The following COL23A1 variants were observed in gnomAD, a reference collection of about 807,000 sequenced individuals.
The protein encoded by COL23A1 is collagen type XXIII alpha 1 chain.
COL23A1 carries 97 observed loss-of-function variants against 99.3 expected under a neutral mutation model. The observed-to-expected ratio is 0.98, with a 90% CI of 0.83 to 1.16. The LOEUF is 1.16. COL23A1 is among the 50% of genes most tolerant of loss of function. The pLI, the probability that COL23A1 is intolerant of heterozygous loss-of-function variation, is 0.00. For missense variants in COL23A1, 762 were observed against 757.4 expected, an observed-to-expected ratio of 1.01 and a Z score of -0.07; for synonymous variants, 320 against 308.2, an observed-to-expected ratio of 1.04 and a Z score of -0.40.
chr5:178,312,505 G>A (rs2127614015), intron 2 of COL23A1, among the ~76,000 whole-genome samples: 1 of 152,264 alleles, frequency 6.6e-6, no homozygotes, highest in Middle Eastern at 3.4e-3. Context: ...CCAAAGGGGG[G>A]CCTCGAACCC....
At chr5:178,479,017 A>C (rs1165035986) in intron 2 of COL23A1, among the ~76,000 whole-genome samples, 6 of 152,004 alleles carry the variant, frequency 3.9e-5, no homozygotes, top group African/African-American at 9.7e-5. Flanking sequence ...TTCCTGGGCC[A>C]TGTGAGGCCC....
At chr5:178,554,375 C>T (rs894043919) in intron 2 of COL23A1, among the ~76,000 whole-genome samples, 17 of 152,140 alleles carry the variant, frequency 1.1e-4, no homozygotes, top group Admixed American at 5.2e-4. Context: ...GACGGGGTTT[C>T]GCCATGTTGG....
chr5:178,460,982 T>A (rs1178456277), intron 2 of COL23A1, among the ~76,000 whole-genome samples: 1 of 152,074 alleles, frequency 6.6e-6, no homozygotes, highest in Non-Finnish European at 1.5e-5. Context: ...ATAAATAGCA[T>A]AAACTCCCAT....
chr5:178,334,087 G>A (rs573725937), intron 2 of COL23A1, among the ~76,000 whole-genome samples: 1 of 152,210 alleles, frequency 6.6e-6, no homozygotes, highest in Admixed American at 6.5e-5. Flanking sequence ...GGGATGTCCG[G>A]GTCCTCAAGG....
chr5:178,297,961 A>C (rs1285475922), intron 3 of COL23A1, among the ~76,000 whole-genome samples: 3 of 152,208 alleles, frequency 2.0e-5, no homozygotes, highest in African/African-American at 7.2e-5. Context: ...TGGATGTGAC[A>C]GAGGGGTTGG....
At chr5:178,507,684 G>A (rs889511799) in intron 2 of COL23A1, among the ~76,000 whole-genome samples, 3 of 152,194 alleles carry the variant, frequency 2.0e-5, no homozygotes, top group Non-Finnish European at 4.4e-5. Context: ...CCTGAGGAGC[G>A]ATCTGCTGTC....
chr5:178,577,387 G>A (rs140338215), intron 1 of COL23A1, among the ~76,000 whole-genome samples: 1,601 of 152,360 alleles, frequency 0.011, 9 homozygotes, highest in Non-Finnish European at 0.017. Flanking sequence ...ATCCCCAAGG[G>A]CGGCCGCATC....
At chr5:178,445,251 T>C (rs1329346744) in intron 2 of COL23A1, among the ~76,000 whole-genome samples, 2 of 152,244 alleles carry the variant, frequency 1.3e-5, no homozygotes, top group Non-Finnish European at 2.9e-5. Flanking sequence ...GTCACTATAA[T>C]GATACATTGT....
At chr5:178,328,699 C>G (rs1011975195) in intron 2 of COL23A1, among the ~76,000 whole-genome samples, 9 of 152,000 alleles carry the variant, frequency 5.9e-5, no homozygotes, top group Non-Finnish European at 1.3e-4. Flanking sequence ...ACTAATTACT[C>G]GAAAAAAAAG....
intron 2 of COL23A1, among the ~76,000 whole-genome samples, chr5:178,316,192 TTAGA>T (rs1758973237): frequency 6.6e-6 from 1 of 152,212 alleles, no homozygotes. Context: ...TCGATGATTC[TTAGA>T]TATTTACTTC....
chr5:178,455,343 CA>C (rs1320329923), intron 2 of COL23A1, among the ~76,000 whole-genome samples: 5 of 152,146 alleles, frequency 3.3e-5, no homozygotes, highest in Admixed American at 6.5e-5. Flanking sequence ...GGGGCCAGGC[CA>C]CAGGCACCAG....
At chr5:178,578,317 C>T (rs1264517766) in intron 1 of COL23A1, among the ~76,000 whole-genome samples, 2 of 152,208 alleles carry the variant, frequency 1.3e-5, no homozygotes, top group African/African-American at 2.4e-5. Context: ...CACTTCCACC[C>T]TCACACTAGC....
intron 1 of COL23A1, among the ~76,000 whole-genome samples, chr5:178,585,822 C>T (rs993657098): frequency 7.2e-6 from 1 of 138,782 alleles, no homozygotes; most frequent in African/African-American, 2.8e-5. Flanking sequence ...AGCGGCAACA[C>T]GCCCAGCCTC....
chr5:178,399,503 G>A (rs555484888), intron 2 of COL23A1, among the ~76,000 whole-genome samples: 1 of 152,334 alleles, frequency 6.6e-6, no homozygotes, highest in East Asian at 1.9e-4. Flanking sequence ...TTGTTGAGCC[G>A]ATTGCTGGGA....
chr5:178,243,138 C>G (rs968302255), intron 25 of COL23A1, among the ~76,000 whole-genome samples: 1 of 151,168 alleles, frequency 6.6e-6, no homozygotes, highest in African/African-American at 2.4e-5. Flanking sequence ...TGCAGTGAGC[C>G]GAGATCGCAC....
chr5:178,420,520 TC>T (rs1287883982), intron 2 of COL23A1, among the ~76,000 whole-genome samples: 2 of 43,388 alleles, frequency 4.6e-5, no homozygotes, highest in East Asian at 7.5e-4. Context: ...CCTCCTCTCC[TC>T]CCCCTCCTCA....
chr5:178,446,092 C>CAT (rs145228917), intron 2 of COL23A1, among the ~76,000 whole-genome samples: 3,105 of 149,520 alleles, frequency 0.021, 94 homozygotes, highest in African/African-American at 0.071. Context: ...AAAAAATTTC[C>CAT]ATATATATAT....
At chr5:178,318,582 G>T (rs886420757) in intron 2 of COL23A1, among the ~76,000 whole-genome samples, 1 of 152,238 alleles carries the variant, frequency 6.6e-6, no homozygotes, top group Non-Finnish European at 1.5e-5. Flanking sequence ...ACCTGGACAG[G>T]AAGGGGAGGG....
chr5:178,431,069 G>A (rs1420590423), intron 2 of COL23A1, among the ~76,000 whole-genome samples: 1 of 152,164 alleles, frequency 6.6e-6, no homozygotes, highest in African/African-American at 2.4e-5. Context: ...GCCCCAGGCA[G>A]TAAGTGCGGT....
Sources: allele counts gnomAD v4.1 joint callset (sites outside exome capture counted in the v4.1 genomes callset), GRCh38; gene constraint gnomAD v4.1.1; transcripts MANE v1.5; gene names NCBI Gene and HGNC (gene_info 2026-07-23, HGNC 2026-07-21).